ADAMTS18: variants seen among roughly 807,000 people sequenced by gnomAD.
ADAMTS18 encodes A disintegrin and metalloproteinase with thrombospondin motifs 18.
Under a neutral mutation model 165.9 loss-of-function variants are expected in ADAMTS18, and 157 were observed. The ratio of observed to expected loss-of-function variants is 0.95; its 90% CI spans 0.83 to 1.08. The LOEUF (loss-of-function observed/expected upper bound fraction) is 1.08. ADAMTS18 is among the 50% of genes least tolerant of loss of function. The pLI is 0.00. For missense variants in ADAMTS18, 2,040 were observed against 1,534.0 expected, an observed-to-expected ratio of 1.33 and a Z score of -5.51; for synonymous variants, 782 against 578.2, an observed-to-expected ratio of 1.35 and a Z score of -5.06.
intron 10 of ADAMTS18, among the ~76,000 whole-genome samples, chr16:77,345,310 C>T (rs541821099): frequency 4.6e-5 from 7 of 152,196 alleles, no homozygotes; most frequent in Non-Finnish European, 8.8e-5. Flanking sequence ...TCACTGTCCC[C>T]ATCTCACTCT....
intron 3 of ADAMTS18, among the ~76,000 whole-genome samples, chr16:77,374,591 C>A (rs2056923181): frequency 6.6e-6 from 1 of 152,206 alleles, no homozygotes; most frequent in African/African-American, 2.4e-5. Flanking sequence ...TGAAAGCCCT[C>A]CAGCCTTACT....
At chr16:77,298,223 T>C (rs1022499860) in intron 17 of ADAMTS18, among the ~76,000 whole-genome samples, 2 of 152,100 alleles carry the variant, frequency 1.3e-5, no homozygotes, top group Non-Finnish European at 2.9e-5. Context: ...GCCTCTGCTT[T>C]TGCTTCCTTA....
rs2056723526 is a variant in ADAMTS18 at position 77,362,089 on chromosome 16, T to C, written c.1216+16A>G. 2.5e-6 allele frequency: 4 copies of C among 1,613,882 alleles called. No homozygotes were observed. Among genetic ancestry groups the C allele is most frequent in the Non-Finnish European group, 3.4e-6 (4 of 1,179,900 alleles). On this transcript the variant is annotated intron_variant, in intron 7 of 22. Coordinates refer to ENST00000282849, the MANE Select transcript of ADAMTS18 (RefSeq NM_199355.4). The stretch of plus-strand genomic sequence containing the variant: ...TCAGCTAACAGGTGTGTGTGAAGGA[T>C]CTGTTCATACCATACCTAGAGTGTC...
In ADAMTS18 at chr16:77,293,169, G is replaced by T; in HGVS notation, c.3096C>A (p.Thr1032=). The T allele has an allele frequency of 1.2e-6, 2 of 1,614,030 alleles. No individual in the cohort carries two copies. The highest frequency in any genetic ancestry group is 1.3e-5 in the African/African-American group (1 of 74,986). The part of the protein sequence containing the change: ...AAETLPESQC[T]SLPRPELQEG... ...CCTGCAGCTCAGGTCTGGGGAGACT[G>T]GTACACTGGCTCTCGGGGAGGGTTT... Residue 1032 remains threonine, a synonymous_variant, in exon 20 of 23, where the codon ACC becomes ACA. Coordinates refer to ENST00000282849, the MANE Select transcript of ADAMTS18 (RefSeq NM_199355.4).
chr16:77,359,497 A>G, intron 7 of ADAMTS18, 74 bp from the exon 8 acceptor site: 2 of 1,268,098 alleles, frequency 1.6e-6, no homozygotes, highest in East Asian at 4.8e-5. Flanking sequence ...TTATGTCCTC[A>G]AAATGTTCTA....
At chr16:77,301,785 A>T (rs961349170) in intron 16 of ADAMTS18, among the ~76,000 whole-genome samples, 3 of 151,784 alleles carry the variant, frequency 2.0e-5, no homozygotes, top group African/African-American at 4.8e-5. Context: ...TGGTGTACAC[A>T]TCAGTTTGTA....
chr16:77,384,183 G>A (rs1490587473), intron 3 of ADAMTS18, among the ~76,000 whole-genome samples: 2 of 152,142 alleles, frequency 1.3e-5, no homozygotes, highest in Non-Finnish European at 2.9e-5. Context: ...TGCTAAGGGA[G>A]ACATAAAAAC....
At chr16:77,425,208 T>A (rs961709861) in intron 3 of ADAMTS18, among the ~76,000 whole-genome samples, 4 of 152,104 alleles carry the variant, frequency 2.6e-5, no homozygotes, top group Non-Finnish European at 5.9e-5. Flanking sequence ...AATGGGGACA[T>A]TAGTGCAGCC....
chr16:77,355,811 C>A (rs577749362), intron 9 of ADAMTS18, 129 bp downstream of exon 9: 6 of 1,114,608 alleles, frequency 5.4e-6, no homozygotes, highest in Admixed American at 5.2e-5. Context: ...TCATTATCAT[C>A]ATCATTTGTC....
chr16:77,403,195 G>A (rs1429068269), intron 3 of ADAMTS18, among the ~76,000 whole-genome samples: 2 of 152,068 alleles, frequency 1.3e-5, no homozygotes, highest in Non-Finnish European at 2.9e-5. Context: ...TAGATAAGTG[G>A]GAAAGAAAAT....
At chr16:77,326,086 T>C (rs1350623965) in intron 12 of ADAMTS18, 48 bp from the exon 13 acceptor site, 1 of 1,565,130 alleles carries the variant, frequency 6.4e-7, no homozygotes, top group Non-Finnish European at 8.8e-7. Flanking sequence ...AAAGGGCTCA[T>C]TATTAGTCAC....
intron 10 of ADAMTS18, among the ~76,000 whole-genome samples, chr16:77,346,778 C>A (rs1477813126): frequency 6.6e-6 from 1 of 152,152 alleles, no homozygotes; most frequent in Non-Finnish European, 1.5e-5. Context: ...GTAGGAGTCA[C>A]CAAGAATTGC....
At chr16:77,385,614 T>C (rs956820669) in intron 3 of ADAMTS18, among the ~76,000 whole-genome samples, 4 of 152,190 alleles carry the variant, frequency 2.6e-5, no homozygotes, top group African/African-American at 7.2e-5. Context: ...CTGACAGCAT[T>C]TATTTGTTAA....
At position 77,294,975 on chromosome 16, in the gene ADAMTS18, G is replaced by C. The variant is rs147793662; in HGVS notation, c.2954C>G (p.Ala985Gly). Residue 985 changes from alanine (A) to glycine (G), a missense_variant, in exon 19 of 23, where the codon GCC (alanine) becomes GGC (glycine). Physicochemically the swap from Ala to Gly is moderately conservative, Grantham distance 60. Transcript: ENST00000282849. ...CPVSTPTQVQACNSHACPPQW... is the reference protein window; with the variant it reads ...CPVSTPTQVQGCNSHACPPQW... The stretch of plus-strand genomic sequence containing the variant: ...TGGAGGGCAGGCATGGCTGTTGCAG[G>C]CTTGGACCTGAGTGGGTGTGCTCAC... The C allele has an allele frequency of 6.3e-4, 1,010 of 1,614,170 alleles. 4 individuals are homozygous for C. Among genetic ancestry groups the C allele is most frequent in the Middle Eastern group, 4.1e-3 (25 of 6,062 alleles).
rs893520937 is a variant in ADAMTS18 at position 77,282,150 on chromosome 16, C to T, written c.*1806G>A. On this transcript the variant is annotated 3_prime_UTR_variant, in exon 23 of 23. Transcript: ENST00000282849. The stretch of plus-strand genomic sequence containing the variant: ...CTGTCAAAGATAAAGAAATGGAATA[C>T]TTTATTATAAAACTTATAAAATAAT... The T allele has an allele frequency of 2.0e-5, 3 of 152,078 alleles. No homozygotes were observed. Among genetic ancestry groups the T allele is most frequent in the African/African-American group, 7.2e-5 (3 of 41,418 alleles). The allele number at this position is 152,078 out of a possible 1,614,324, so 9.4% of individuals were successfully genotyped here. A position where few individuals can be genotyped will look rare whatever the true frequency, so the allele number is the denominator to read the frequency against.
At chr16:77,290,604 T>A (rs2055343560) in intron 21 of ADAMTS18, 1 of 155,346 alleles carries the variant, frequency 6.4e-6, no homozygotes. Context: ...AATGGTGAGG[T>A]GGGGAGCACC....
chr16:77,410,612 C>T (rs12933386), intron 3 of ADAMTS18, among the ~76,000 whole-genome samples: 11 of 152,198 alleles, frequency 7.2e-5, no homozygotes, highest in African/African-American at 2.6e-4. Flanking sequence ...TTTGTTGAGT[C>T]CTGGGACTAA....
chr16:77,320,961 C>T, intron 15 of ADAMTS18, 118 bp downstream of exon 15: 2 of 1,278,050 alleles, frequency 1.6e-6, no homozygotes, highest in East Asian at 4.6e-5. Context: ...AAAAATGCCA[C>T]CATCACTAGT....
At chr16:77,400,300 T>G (rs1185482659) in intron 3 of ADAMTS18, among the ~76,000 whole-genome samples, 4 of 152,076 alleles carry the variant, frequency 2.6e-5, no homozygotes, top group African/African-American at 7.2e-5. Flanking sequence ...CCCCATGCTT[T>G]TCTTCTATCC....
Sources: gnomAD v4.1 joint callset for allele counts (sites outside exome capture counted in the v4.1 genomes callset) on GRCh38, gnomAD v4.1.1 for gene constraint, MANE v1.5 for transcripts, NCBI Gene and HGNC (gene_info 2026-07-23, HGNC 2026-07-21) for gene names.